Variants in IDH2 observed in about 807,000 individuals in gnomAD.
The protein encoded by IDH2 is isocitrate dehydrogenase (NADP(+)) 2.
IDH2 carries 18 observed loss-of-function variants against 50.5 expected under a neutral mutation model. The ratio of observed to expected loss-of-function variants is 0.36; its 90% CI spans 0.25 to 0.53. The LOEUF is 0.53. Among genes scored for constraint, IDH2 ranks in the 20% least tolerant of loss-of-function variants. IDH2 has a pLI of 0.92. For missense variants in IDH2, 518 were observed against 610.7 expected (o/e 0.85, Z 1.60); for synonymous variants, 280 against 239.8 (o/e 1.17, Z -1.55).
At chr15:90,096,601 G>A (rs1901186584) in intron 1 of IDH2, among the ~76,000 whole-genome samples, 1 of 152,132 alleles carries the variant, frequency 6.6e-6, no homozygotes, top group South Asian at 2.1e-4. Context: ...AAAACAGTAT[G>A]GGTGTTCCTT....
At chr15:90,102,237 G>C in intron 1 of IDH2, 39 bp downstream of exon 1, 7 of 909,232 alleles carry the variant, frequency 7.7e-6, no homozygotes, top group Non-Finnish European at 8.5e-6. Flanking sequence ...GTCGCAGCTG[G>C]GGGCGCGCGC....
chr15:90,092,398 CCTTCCTCCCTT>C (rs1567256806), intron 1 of IDH2, among the ~76,000 whole-genome samples: 4 of 96,430 alleles, frequency 4.1e-5, no homozygotes, highest in South Asian at 3.0e-4. Context: ...TCCTTTCGTT[CCTTCCTCCCTT>C]TCTCTCTCTC....
In IDH2 at chr15:90,100,215, GA is replaced by G. The variant is rs1178069582; in HGVS notation, c.115+2060del. 6.6e-6 allele frequency among the ~76,000 whole-genome samples: 1 copy of G among 152,156 alleles called. No individual in the cohort carries two copies. Among genetic ancestry groups the G allele is most frequent in the Admixed American group, 6.6e-5 (1 of 15,266 alleles). ...CTGGTATTTTTAACATGGGTTTACA[GA>G]GTATAAACCCCAGGGAAGGCCACAG... On this transcript the variant is annotated intron_variant, in intron 1 of 10. Coordinates refer to ENST00000330062, the MANE Select transcript of IDH2 (RefSeq NM_002168.4). The surrounding 1 kb of genome is among the most constrained non-coding windows in gnomAD (Gnocchi z 4.1).
chr15:90,092,458 T>C (rs983185345), intron 1 of IDH2, among the ~76,000 whole-genome samples: 2 of 151,874 alleles, frequency 1.3e-5, no homozygotes, highest in East Asian at 3.9e-4. Flanking sequence ...CAGGCTGGAA[T>C]GCACTGATGC....
rs569473857 is a variant in IDH2, at chr15:90,085,649, G to A, written c.968-262C>T. On this transcript the variant is annotated intron_variant, in intron 7 of 10. Transcript: ENST00000330062. The surrounding 1 kb of genome is among the most constrained non-coding windows in gnomAD (Gnocchi z 5.5). Reference sequence around the variant, plus strand: ...ACATCCATCTGTGTCACCAGCTCCAGGCGCCCCACAGCCTGTGGCCCACAG... The same window carrying A: ...ACATCCATCTGTGTCACCAGCTCCAAGCGCCCCACAGCCTGTGGCCCACAG... 6.6e-6 allele frequency among the ~76,000 whole-genome samples: 1 copy of A among 152,312 alleles called. No homozygotes were observed. Among genetic ancestry groups the A allele is most frequent in the South Asian group, 2.1e-4 (1 of 4,828 alleles).
Position 90,087,479 on chromosome 15 carries a change from C to T in IDH2, c.775G>A (p.Asp259Asn), listed in dbSNP as rs1339259178. Residue 259 changes from aspartate to asparagine, a missense_variant, in exon 6 of 11, where the codon GAT becomes AAT. Transcript: ENST00000330062. ...STKNTILKAY[D>N]GRFKDIFQEI... ...TGGAAGATGTCCTTGAAACGCCCAT[C>T]GTAGGCTTTCAGTATGGTGTTCTTG... The T allele has an allele frequency of 3.1e-6, 5 of 1,614,178 alleles. No homozygotes were observed. The highest frequency in any genetic ancestry group is 4.2e-6 in the Non-Finnish European group (5 of 1,180,020).
chr15:90,094,913 C>T (rs1471684116), intron 1 of IDH2, among the ~76,000 whole-genome samples: 1 of 151,498 alleles, frequency 6.6e-6, no homozygotes, highest in Non-Finnish European at 1.5e-5. Context: ...AAAAAACAAA[C>T]AAACAAACAA....
At position 90,085,035 on chromosome 15, in the gene IDH2, G is replaced by A. The variant is rs1466352839; in HGVS notation, c.1144C>T (p.Arg382Trp). 6.2e-6 allele frequency: 10 copies of A among 1,613,950 alleles called. No homozygotes were observed. Among genetic ancestry groups the A allele is most frequent in the East Asian group, 2.2e-5 (1 of 44,876 alleles). The change falls in exon 9 of 11, where the codon CGG becomes TGG. Residue 382 changes from arginine to tryptophan, a missense_variant. Physicochemically the swap from Arg to Trp is moderately radical, Grantham distance 101. Transcript: ENST00000330062. This position sits in a 1 kb window ranked among gnomAD's most constrained non-coding sequence, Gnocchi z 5.5. ...IFAWTRGLEH[R>W]GKLDGNQDLI... Reference sequence around the variant, plus strand: ...TCTTGGTTCCCATCCAGCTTCCCCCGGTGCTCCAGGCCACGTGTCCAGGCA... The same window carrying A: ...TCTTGGTTCCCATCCAGCTTCCCCCAGTGCTCCAGGCCACGTGTCCAGGCA...
chr15:90,093,484 G>A (rs558252146), intron 1 of IDH2, among the ~76,000 whole-genome samples: 116 of 152,306 alleles, frequency 7.6e-4, no homozygotes, highest in African/African-American at 2.8e-3. Context: ...AAAGGAAATA[G>A]TATAGATAGG....
In IDH2 at chr15:90,083,956, C is replaced by T. The variant is rs954534670; in HGVS notation, c.*310G>A. 6.5e-6 allele frequency: 3 copies of T among 461,750 alleles called. No homozygotes were observed. The highest frequency in any genetic ancestry group is 5.8e-5 in the African/African-American group (3 of 51,424). The allele number at this position is 461,750 out of a possible 1,614,324, so 28.6% of individuals were successfully genotyped here. ...TCAGGGTCCCACTACCTCCTCCCCT[C>T]AGGGACAAACACAGCAGACAATTTT... On this transcript the variant is annotated 3_prime_UTR_variant, in exon 11 of 11. Coordinates refer to ENST00000330062, the MANE Select transcript of IDH2 (RefSeq NM_002168.4).
rs769048437 is a variant in IDH2, at chr15:90,087,806, CT to C, written c.679-232del. 5.5e-3 allele frequency among the ~76,000 whole-genome samples: 652 copies of C among 119,340 alleles called. 6 individuals carry two copies. The highest frequency in any genetic ancestry group is 0.018 in the African/African-American group (537 of 29,598). 78.3% of individuals were successfully genotyped at this position (119,340 alleles called of 152,430 possible). ...TTTTTTTTTTTTTGGAAAACACCGCCTTTTTTTTTTTTTTTTTGGAAACAAC... is the reference window on the plus strand; with the variant it reads ...TTTTTTTTTTTTTGGAAAACACCGCCTTTTTTTTTTTTTTTTGGAAACAAC... On this transcript the variant is annotated intron_variant, in intron 5 of 10. Transcript: ENST00000330062.
Position 90,088,646 on chromosome 15 carries a change from G to A in IDH2, c.475C>T (p.Arg159Cys), listed in dbSNP as rs1319035463. Residue 159 changes from arginine to cysteine, a missense_variant, in exon 4 of 11, where the codon CGC (arginine) becomes TGC (cysteine). Physicochemically the swap from Arg to Cys is radical, Grantham distance 180. Around this residue, in one of 5 missense-constraint regions of IDH2, gnomAD observed 207 missense variants for 208.6 expected, o/e 0.99. Coordinates refer to ENST00000330062, the MANE Select transcript of IDH2 (RefSeq NM_002168.4). ...GGCTTGGTCCAGCCAGGGACTAGGC[G>A]TGGGATGTTTTTGCAGATGATGGGC... ...REPIICKNIP[R>C]LVPGWTKPIT... The A allele has an allele frequency of 8.1e-6, 13 of 1,614,082 alleles. No individual in the cohort carries two copies. Among genetic ancestry groups the A allele is most frequent in the South Asian group, 3.3e-5 (3 of 91,086 alleles).
intron 1 of IDH2, among the ~76,000 whole-genome samples, chr15:90,096,244 G>A (rs1161918027): frequency 1.3e-5 from 2 of 152,082 alleles, no homozygotes; most frequent in South Asian, 2.1e-4. Flanking sequence ...AGGTTGCAGT[G>A]AGCAGAGATC....
chr15:90,087,493 A>G lies in IDH2; in HGVS notation c.761T>C (p.Ile254Thr). The G allele has an allele frequency of 6.2e-7, 1 of 1,614,190 alleles. No homozygotes were observed. The highest frequency in any genetic ancestry group is 8.5e-7 in the Non-Finnish European group (1 of 1,180,022). Residue 254 changes from isoleucine to threonine, a missense_variant, in exon 6 of 11, where the codon ATA becomes ACA. Ile to Thr is a moderately conservative substitution (Grantham distance 89). Around this residue, in one of 5 missense-constraint regions of IDH2, gnomAD observed 207 missense variants for 208.6 expected, o/e 0.99. Transcript: ENST00000330062. Reference protein sequence around the residue: ...WPLYMSTKNTILKAYDGRFKD... With the variant: ...WPLYMSTKNTTLKAYDGRFKD... ...GAAACGCCCATCGTAGGCTTTCAGT[A>G]TGGTGTTCTTGGTGCTCATGTACAG...
chr15:90,091,524 G>C (rs370431163), intron 2 of IDH2, 29 bp downstream of exon 2: 10 of 1,576,140 alleles, frequency 6.3e-6, no homozygotes, highest in East Asian at 2.2e-5. Flanking sequence ...CCCACCTGGA[G>C]AGCCACCCAC....
At position 90,098,271 on chromosome 15, in the gene IDH2, A is replaced by G. The variant is rs1404494750; in HGVS notation, c.115+4005T>C. ...CCCTGTCTGGGGCTCCTAGCACCCA[A>G]TACCAAGTAAGGATTTCAAAACACA... On this transcript the variant is annotated intron_variant, in intron 1 of 10. Transcript: ENST00000330062. This position sits in a 1 kb window ranked among gnomAD's most constrained non-coding sequence, Gnocchi z 5.1. Among the ~76,000 whole-genome samples the G allele has an allele frequency of 1.3e-5, 2 of 152,186 alleles. No homozygotes were observed. The highest frequency in any genetic ancestry group is 2.4e-5 in the African/African-American group (1 of 41,462).
intron 1 of IDH2, among the ~76,000 whole-genome samples, chr15:90,099,785 T>C (rs1901282643): frequency 6.6e-6 from 1 of 152,102 alleles, no homozygotes; most frequent in African/African-American, 2.4e-5. Flanking sequence ...CCATATATCA[T>C]ACTAGTCAAC....
intron 3 of IDH2, 99 bp downstream of exon 3, chr15:90,090,380 A>G: frequency 7.5e-7 from 1 of 1,331,136 alleles, no homozygotes; most frequent in Non-Finnish European, 1.1e-6. Context: ...CCCAGTCCCG[A>G]GATGAGTGAC....
At position 90,101,768 on chromosome 15, in the gene IDH2, G is replaced by T. The variant is rs571216950; in HGVS notation, c.115+508C>A. On this transcript the variant is annotated intron_variant, in intron 1 of 10. Coordinates refer to ENST00000330062, the MANE Select transcript of IDH2 (RefSeq NM_002168.4). ...GTAAAAGGCTCCAAAAATAGCTGAC[G>T]TGGGCCTGGTATCAGCGCGCGCCTG... 1.4e-4 allele frequency among the ~76,000 whole-genome samples: 22 copies of T among 152,268 alleles called. No homozygotes were observed. In the South Asian group the frequency reaches 3.5e-3, roughly 24 times the overall value.
Sources: gnomAD v4.1 joint callset for allele counts (sites outside exome capture counted in the v4.1 genomes callset) on GRCh38, gnomAD v4.1.1 for gene constraint, gnomAD v4.1.1 regional missense constraint, Gnocchi (gnomAD v3.1) non-coding constraint, MANE v1.5 for transcripts, NCBI Gene and HGNC (gene_info 2026-07-23, HGNC 2026-07-21) for gene names.